Variants in LRTM3 observed in about 807,000 individuals in gnomAD.
LRTM3 encodes leucine-rich repeat transmembrane protein 3.
chr13:102,747,294 C>T, the LRTM3 span: 2 of 1,548,872 alleles, frequency 1.3e-6, no homozygotes, highest in Non-Finnish European at 1.7e-6. Context: ...AGAAGCATAC[C>T]TGCTGCAATT....
the LRTM3 span, chr13:102,741,998 C>T: frequency 6.4e-7 from 1 of 1,550,574 alleles, no homozygotes. Context: ...ATCAGTACAA[C>T]CTGACAATGA....
At chr13:102,743,419 G>T in the LRTM3 span, 24 of 1,550,406 alleles carry the variant, frequency 1.5e-5, no homozygotes, top group Non-Finnish European at 2.0e-5. Flanking sequence ...CTTTCAGTTT[G>T]GTTTTTAAAT....
At chr13:102,755,962 T>TACATATATATATATA in the LRTM3 span, among the ~76,000 whole-genome samples, 2 of 56,650 alleles carry the variant, frequency 3.5e-5, no homozygotes, top group East Asian at 3.9e-4. Context: ...TATATATATA[T>TACATATATATATATA]TTTTTTTTTT....
chr13:102,754,429 C>A, the LRTM3 span, among the ~76,000 whole-genome samples: 109 of 152,006 alleles, frequency 7.2e-4, no homozygotes, highest in Non-Finnish European at 8.8e-5. Flanking sequence ...TGATGAGTCT[C>A]AAGGGCCTAC....
At chr13:102,753,753 G>T in the LRTM3 span, among the ~76,000 whole-genome samples, 21 of 152,282 alleles carry the variant, frequency 1.4e-4, no homozygotes, top group African/African-American at 4.3e-4. Flanking sequence ...GTCTTTGGTA[G>T]TAAAGTCTAT....
At chr13:102,744,017 T>C in the LRTM3 span, 2 of 1,550,378 alleles carry the variant, frequency 1.3e-6, no homozygotes, top group Non-Finnish European at 1.7e-6. Flanking sequence ...CGCTGCTGTA[T>C]TGTATAAGAG....
the LRTM3 span, chr13:102,743,254 T>G: frequency 1.9e-6 from 3 of 1,550,616 alleles, no homozygotes; most frequent in African/African-American, 2.7e-5. Context: ...CTTCAGCTAG[T>G]GACTCTATTT....
the LRTM3 span, chr13:102,734,850 A>T: frequency 1.5e-4 from 240 of 1,551,052 alleles, no homozygotes; most frequent in South Asian, 2.8e-3. Context: ...TGTTTGGGGA[A>T]TATTAAGATG....
chr13:102,737,556 C>T, the LRTM3 span: 1 of 1,549,884 alleles, frequency 6.5e-7, no homozygotes, highest in Non-Finnish European at 8.7e-7. Flanking sequence ...TGGCCTTCTC[C>T]ATCCCTTTTC....
the LRTM3 span, chr13:102,748,617 T>C: frequency 6.4e-7 from 1 of 1,550,766 alleles, no homozygotes; most frequent in Non-Finnish European, 8.7e-7. Context: ...GGTTTTGATA[T>C]AGCTTCTTCT....
the LRTM3 span, chr13:102,738,002 T>C: frequency 1.9e-6 from 3 of 1,550,678 alleles, no homozygotes; most frequent in Non-Finnish European, 1.7e-6. Context: ...TTTCCCTTGC[T>C]CTTTGTCTTC....
the LRTM3 span, chr13:102,738,153 G>A: frequency 6.4e-7 from 1 of 1,550,982 alleles, no homozygotes; most frequent in Non-Finnish European, 8.7e-7. Context: ...TCCTGTGAAA[G>A]TGCCTTCTTT....
At chr13:102,735,317 G>A in the LRTM3 span, 10,202 of 1,551,106 alleles carry the variant, frequency 6.6e-3, 530 homozygotes, top group African/African-American at 0.12. Context: ...TACATCACTT[G>A]AAAGTTCTCC....
At chr13:102,751,462 T>C in the LRTM3 span, among the ~76,000 whole-genome samples, 1 of 151,920 alleles carries the variant, frequency 6.6e-6, no homozygotes, top group Non-Finnish European at 1.5e-5. Flanking sequence ...GCATATTCTT[T>C]GGTCCCATCC....
chr13:102,758,744 C>T, the LRTM3 span: 2 of 1,550,908 alleles, frequency 1.3e-6, no homozygotes, highest in Non-Finnish European at 1.7e-6. Flanking sequence ...GTGTGGGCTT[C>T]TTCCAAAAGG....
At chr13:102,746,150 T>C in the LRTM3 span, 1 of 1,551,056 alleles carries the variant, frequency 6.4e-7, no homozygotes, top group Non-Finnish European at 8.7e-7. Context: ...ACCTGTTTGG[T>C]GCTGCAAACG....
chr13:102,738,339 G>A, the LRTM3 span: 2 of 1,550,890 alleles, frequency 1.3e-6, no homozygotes, highest in African/African-American at 2.7e-5. Context: ...TGGTGTGATA[G>A]TTCTGGAAGA....
the LRTM3 span, chr13:102,731,837 G>T: frequency 1.9e-6 from 3 of 1,549,448 alleles, no homozygotes; most frequent in East Asian, 2.4e-5. Context: ...GGGTAACTTT[G>T]GATCTTCAAG....
the LRTM3 span, chr13:102,738,244 G>A: frequency 6.4e-6 from 10 of 1,550,782 alleles, no homozygotes; most frequent in Middle Eastern, 1.7e-4. Flanking sequence ...TCTGTTGCAT[G>A]TAATCTTTTG....
Sources: gnomAD v4.1 joint callset for allele counts (sites outside exome capture counted in the v4.1 genomes callset) on GRCh38, gnomAD v4.1.1 for gene constraint, MANE v1.5 for transcripts, NCBI Gene and HGNC (gene_info 2026-07-23, HGNC 2026-07-21) for gene names.